Variants in ITIH2 observed in about 807,000 individuals in gnomAD.
ITIH2 encodes inter-alpha-trypsin inhibitor heavy chain H2.
A neutral mutation model predicts 104.4 loss-of-function variants in ITIH2; 103 were observed. The observed-to-expected ratio is 0.99, with a 90% CI of 0.84 to 1.16. ITIH2 has a LOEUF of 1.16. Among genes scored for constraint, ITIH2 ranks in the 50% most tolerant of loss-of-function variants. ITIH2 has a pLI of 0.00. For missense variants in ITIH2, 1,108 were observed against 1,162.4 expected, an observed-to-expected ratio of 0.95 and a Z score of 0.68; for synonymous variants, 436 against 435.4, an observed-to-expected ratio of 1.00 and a Z score of -0.02.
chr10:7,734,983 C>T lies in ITIH2; in HGVS notation c.1849C>T (p.Leu617=), dbSNP rs185876928. 1.7e-5 allele frequency: 28 copies of T among 1,613,914 alleles called. No homozygotes were observed. The African/African-American group carries it at 2.8e-4, about 16-fold the overall frequency. ...TACAAGATCGATCCTGCAGATGTCT[C>T]TAGACCACCACATTGTGACTCCGCT... ...RITRSILQMS[L]DHHIVTPLTS... is the part of the protein sequence containing the mutation. The change falls in exon 15 of 21, where the codon CTA becomes TTA. Residue 617 remains leucine, a synonymous_variant. Transcript: ENST00000358415.
chr10:7,708,628 C>T (rs935464482), intron 3 of ITIH2, among the ~76,000 whole-genome samples: 2 of 152,150 alleles, frequency 1.3e-5, no homozygotes, highest in African/African-American at 2.4e-5. Flanking sequence ...CAACCAAGTT[C>T]CTCTTTCAAC....
Position 7,730,069 on chromosome 10 carries a change from C to T in ITIH2, c.1397C>T (p.Ser466Phe). 1 of 1,612,986 alleles carries T rather than the reference C, an allele frequency of 6.2e-7. No homozygotes were observed. The highest frequency in any genetic ancestry group is 8.5e-7 in the Non-Finnish European group (1 of 1,179,152). Residue 466 changes from serine (S) to phenylalanine (F), a missense_variant, in exon 12 of 21, where the codon TCC (serine) becomes TTC (phenylalanine). Ser to Phe is a radical substitution (Grantham distance 155). Transcript: ENST00000358415. ...GACTATGATTTTTTGAAGAGACTGT[C>T]CAATGAAAACCATGGAATTGCACAA... is the stretch of plus-strand genomic sequence containing the variant. ...DVDYDFLKRL[S>F]NENHGIAQRI...
At chr10:7,706,697 C>T (rs892856089) in intron 2 of ITIH2, among the ~76,000 whole-genome samples, 1 of 152,166 alleles carries the variant, frequency 6.6e-6, no homozygotes, top group Non-Finnish European at 1.5e-5. Flanking sequence ...CCGACCTAGT[C>T]TTGGGGTGTT....
intron 16 of ITIH2, among the ~76,000 whole-genome samples, chr10:7,740,158 C>A (rs529353523): frequency 2.4e-4 from 36 of 152,152 alleles, no homozygotes; most frequent in Non-Finnish European, 4.3e-4. Context: ...TGCACTCCAG[C>A]CTGGGCGACA....
At chr10:7,707,440 A>G (rs1834758083) in intron 3 of ITIH2, among the ~76,000 whole-genome samples, 1 of 152,086 alleles carries the variant, frequency 6.6e-6, no homozygotes. Flanking sequence ...CCAAGAGCTG[A>G]AGGGGCCCTT....
At chr10:7,735,144 G>A in intron 15 of ITIH2, 53 bp downstream of exon 15, 1 of 1,511,700 alleles carries the variant, frequency 6.6e-7, no homozygotes, top group Non-Finnish European at 8.9e-7. Flanking sequence ...TTGCCCCGGG[G>A]GTGGGCGAAG....
intron 12 of ITIH2, among the ~76,000 whole-genome samples, chr10:7,730,935 A>G (rs1164070607): frequency 6.6e-6 from 1 of 152,044 alleles, no homozygotes; most frequent in Non-Finnish European, 1.5e-5. Flanking sequence ...AGTACGTTCA[A>G]TGGCAGTGCA....
intron 18 of ITIH2, among the ~76,000 whole-genome samples, chr10:7,744,581 A>G (rs935538827): frequency 2.6e-5 from 4 of 152,228 alleles, no homozygotes; most frequent in African/African-American, 9.6e-5. Flanking sequence ...TCGCAGAGTG[A>G]GCTCCAAACG....
At chr10:7,719,727 C>G (rs1377266442) in intron 6 of ITIH2, among the ~76,000 whole-genome samples, 1 of 121,164 alleles carries the variant, frequency 8.3e-6, no homozygotes, top group African/African-American at 3.2e-5. Context: ...TGCCACTGCA[C>G]TCCAGGCTGG....
chr10:7,715,479 T>C (rs1182535639), intron 5 of ITIH2, among the ~76,000 whole-genome samples: 1 of 152,146 alleles, frequency 6.6e-6, no homozygotes, highest in Admixed American at 6.6e-5. Flanking sequence ...CACCCATTCA[T>C]TTATTTGTTT....
In ITIH2 at chr10:7,720,843, C is replaced by T. The variant is rs1834895367; in HGVS notation, c.631-13C>T. On this transcript the variant is annotated splice_polypyrimidine_tract_variant and intron_variant, in intron 6 of 20. Coordinates refer to ENST00000358415, the MANE Select transcript of ITIH2 (RefSeq NM_002216.3). The stretch of plus-strand genomic sequence containing the variant: ...CTTTTAATGCTTTGGGTAATTTTCT[C>T]TTGCATCTCTAGGTAGATGTGTGGG... The T allele has an allele frequency of 3.3e-6, 5 of 1,512,556 alleles. No homozygotes were observed. Among genetic ancestry groups the T allele is most frequent in the Non-Finnish European group, 4.6e-6 (5 of 1,089,820 alleles). 93.7% of individuals were successfully genotyped at this position (1,512,556 alleles called of 1,614,324 possible). A position where few individuals can be genotyped will look rare whatever the true frequency, so the allele number is the denominator to read the frequency against.
chr10:7,749,459 G>C lies in ITIH2; in HGVS notation c.*125G>C, dbSNP rs1835216747. On this transcript the variant is annotated 3_prime_UTR_variant, in exon 21 of 21. Coordinates refer to ENST00000358415, the MANE Select transcript of ITIH2 (RefSeq NM_002216.3). ...CAGGGTGGTTAATTAAAATGAACCA[G>C]ATATCAGGGTGGTTTATAAAGCCTG... is the stretch of plus-strand genomic sequence containing the variant. The C allele has an allele frequency of 1.3e-6, 1 of 758,962 alleles. No individual in the cohort carries two copies. Among genetic ancestry groups the C allele is most frequent in the Non-Finnish European group, 2.1e-6 (1 of 478,048 alleles). 47.0% of individuals were successfully genotyped at this position (758,962 alleles called of 1,614,324 possible). A position where few individuals can be genotyped will look rare whatever the true frequency, so the allele number is the denominator to read the frequency against.
intron 16 of ITIH2, among the ~76,000 whole-genome samples, chr10:7,742,878 T>C (rs1184149558): frequency 1.3e-5 from 2 of 152,226 alleles, no homozygotes; most frequent in Non-Finnish European, 2.9e-5. Flanking sequence ...TTATCTCTAG[T>C]ATCTAGTCTA....
chr10:7,713,530 G>C, intron 5 of ITIH2: 1 of 429,146 alleles, frequency 2.3e-6, no homozygotes, highest in Non-Finnish European at 4.1e-6. Flanking sequence ...CAGGTAGATG[G>C]ATGTTCTGTA....
chr10:7,723,005 T>C (rs557715647), intron 8 of ITIH2, among the ~76,000 whole-genome samples: 2 of 149,966 alleles, frequency 1.3e-5, no homozygotes, highest in East Asian at 2.0e-4. Context: ...TGGCGTGAAG[T>C]CGGGTGGAGT....
At chr10:7,740,274 GCCA>G (rs1359210220) in intron 16 of ITIH2, among the ~76,000 whole-genome samples, 9 of 152,092 alleles carry the variant, frequency 5.9e-5, no homozygotes, top group Admixed American at 5.9e-4. Flanking sequence ...TTATTTTGGG[GCCA>G]CAAGTAACTT....
intron 2 of ITIH2, among the ~76,000 whole-genome samples, chr10:7,706,323 G>A (rs901007679): frequency 3.5e-4 from 53 of 152,076 alleles, no homozygotes; most frequent in African/African-American, 1.0e-3. Flanking sequence ...TCCAACACCC[G>A]ACTTCTTGGA....
In ITIH2 at chr10:7,723,568, G is replaced by A. The variant is rs766487601; in HGVS notation, c.984+1G>A. The A allele has an allele frequency of 2.7e-5, 42 of 1,564,874 alleles. No individual in the cohort carries two copies. The highest frequency in any genetic ancestry group is 1.8e-6 in the Non-Finnish European group (2 of 1,135,310). ...CATGTGGGGAGTTAAAATGAAACAA[G>A]TAAGTACCCCCTTGTTTGCAGTGGT... On this transcript the variant is annotated splice_donor_variant, in intron 9 of 20. Coordinates refer to ENST00000358415, the MANE Select transcript of ITIH2 (RefSeq NM_002216.3). LOFTEE classifies it high-confidence loss of function.
At chr10:7,710,172 A>C (rs1032747376) in intron 4 of ITIH2, among the ~76,000 whole-genome samples, 1 of 152,166 alleles carries the variant, frequency 6.6e-6, no homozygotes, top group African/African-American at 2.4e-5. Flanking sequence ...CTTCTTAACA[A>C]CTAAGGTGGA....
Sources: gnomAD v4.1 joint callset for allele counts (sites outside exome capture counted in the v4.1 genomes callset) on GRCh38, gnomAD v4.1.1 for gene constraint, MANE v1.5 for transcripts, NCBI Gene and HGNC (gene_info 2026-07-23, HGNC 2026-07-21) for gene names.